MDGA2: variants seen among roughly 807,000 people sequenced by gnomAD.
The protein encoded by MDGA2 is MAM domain containing glycosylphosphatidylinositol anchor 2.
A neutral mutation model predicts 117.8 loss-of-function variants in MDGA2; 40 were observed. The ratio of observed to expected loss-of-function variants is 0.34; its 90% confidence interval spans 0.26 to 0.44. The LOEUF is 0.44. Among genes scored for constraint, MDGA2 ranks in the 20% least tolerant of loss-of-function variants. The pLI, the probability that MDGA2 is intolerant of heterozygous loss-of-function variation, is 1.00. For missense variants in MDGA2, 1,123 were observed against 1,250.6 expected (o/e 0.90, Z 1.54); for synonymous variants, 452 against 439.0 (o/e 1.03, Z -0.37).
intron 1 of MDGA2, among the ~76,000 whole-genome samples, chr14:47,320,219 C>T (rs12434252): frequency 0.33 from 49,554 of 151,970 alleles, 9,060 homozygotes; most frequent in Admixed American, 0.52. Flanking sequence ...AACAAATACA[C>T]TATTAAACAA....
At chr14:47,228,931 T>A (rs1285043931) in intron 2 of MDGA2, among the ~76,000 whole-genome samples, 4 of 152,238 alleles carry the variant, frequency 2.6e-5, no homozygotes, top group Non-Finnish European at 5.9e-5. Flanking sequence ...AGGCACCCTC[T>A]GCCCAATATA....
Position 46,957,751 on chromosome 14 carries a change from G to C in MDGA2, c.1820-108C>G, listed in dbSNP as rs1023755426. On this transcript the variant is annotated intron_variant, in intron 8 of 16. Coordinates refer to ENST00000399232, the MANE Select transcript of MDGA2 (RefSeq NM_001113498.3). Reference sequence around the variant, plus strand: ...CAGTAACACATGCAGCAATAGAGGAGGAGTGTAGGAGGTGAATGAAGAACA... The same window carrying C: ...CAGTAACACATGCAGCAATAGAGGACGAGTGTAGGAGGTGAATGAAGAACA... 1.5e-5 allele frequency: 18 copies of C among 1,208,692 alleles called. No individual in the cohort carries two copies. The African/African-American group carries it at 1.7e-4, about 11-fold the overall frequency. 74.9% of individuals were successfully genotyped at this position (1,208,692 alleles called of 1,614,324 possible). A position where few individuals can be genotyped will look rare whatever the true frequency, so the allele number is the denominator to read the frequency against.
intron 1 of MDGA2, among the ~76,000 whole-genome samples, chr14:47,326,434 C>G (rs1890144518): frequency 6.6e-6 from 1 of 152,072 alleles, no homozygotes; most frequent in African/African-American, 2.4e-5. Flanking sequence ...GAGTAAGAAT[C>G]TGAGCATTCT....
chr14:47,637,988 T>C (rs1464369103), intron 1 of MDGA2, among the ~76,000 whole-genome samples: 1 of 152,162 alleles, frequency 6.6e-6, no homozygotes, highest in Non-Finnish European at 1.5e-5. Flanking sequence ...TCATTCTCAA[T>C]CAAATCCTGC....
intron 3 of MDGA2, among the ~76,000 whole-genome samples, chr14:47,207,614 T>C (rs958493413): frequency 6.6e-6 from 1 of 151,928 alleles, no homozygotes; most frequent in Non-Finnish European, 1.5e-5. Context: ...TTTCACATAT[T>C]CCCTTCTACA....
intron 8 of MDGA2, among the ~76,000 whole-genome samples, chr14:46,978,282 T>C (rs987748849): frequency 6.6e-6 from 1 of 151,968 alleles, no homozygotes; most frequent in Non-Finnish European, 1.5e-5. Flanking sequence ...GAACCATTCA[T>C]ATTTAGAAAA....
chr14:46,861,422 C>T (rs1383285620), intron 14 of MDGA2, among the ~76,000 whole-genome samples: 3 of 151,652 alleles, frequency 2.0e-5, no homozygotes, highest in African/African-American at 4.8e-5. Context: ...TTTCTTTTTA[C>T]ATATGTAATA....
intron 3 of MDGA2, among the ~76,000 whole-genome samples, chr14:47,147,365 A>G (rs914417633): frequency 6.6e-6 from 1 of 152,154 alleles, no homozygotes; most frequent in Non-Finnish European, 1.5e-5. Context: ...AACACATATG[A>G]GAGAGTGAAA....
At chr14:47,658,594 A>T (rs1057120105) in intron 1 of MDGA2, among the ~76,000 whole-genome samples, 1 of 152,154 alleles carries the variant, frequency 6.6e-6, no homozygotes, top group Non-Finnish European at 1.5e-5. Context: ...CTCAAACAGG[A>T]TAAGCAAGCA....
At chr14:47,220,292 G>T (rs1430885628) in intron 2 of MDGA2, among the ~76,000 whole-genome samples, 1 of 152,152 alleles carries the variant, frequency 6.6e-6, no homozygotes, top group Non-Finnish European at 1.5e-5. Flanking sequence ...AAAGAAAATT[G>T]TTCAGGCTTC....
intron 1 of MDGA2, among the ~76,000 whole-genome samples, chr14:47,562,938 T>A (rs972462392): frequency 7.2e-5 from 11 of 152,148 alleles, no homozygotes; most frequent in African/African-American, 2.4e-4. Flanking sequence ...CTTATCGTTG[T>A]TCTCATTAAT....
intron 8 of MDGA2, among the ~76,000 whole-genome samples, chr14:46,966,102 T>A (rs1297940295): frequency 2.1e-5 from 3 of 140,966 alleles, no homozygotes; most frequent in Non-Finnish European, 4.4e-5. Flanking sequence ...AAATAAAGAT[T>A]ATATTTCTTG....
chr14:47,670,599 T>C (rs899146477), intron 1 of MDGA2, among the ~76,000 whole-genome samples: 1 of 152,176 alleles, frequency 6.6e-6, no homozygotes, highest in African/African-American at 2.4e-5. Flanking sequence ...ATCACTTAGC[T>C]CTAGGTACTT....
At chr14:46,957,709 T>C in intron 8 of MDGA2, 66 bp from the exon 9 acceptor site, 1 of 1,567,414 alleles carries the variant, frequency 6.4e-7, no homozygotes, top group East Asian at 2.2e-5. Flanking sequence ...GCTACTCTTA[T>C]TAGAAGAAGC....
chr14:47,651,756 A>G (rs896052680), intron 1 of MDGA2, among the ~76,000 whole-genome samples: 1 of 152,104 alleles, frequency 6.6e-6, no homozygotes. Flanking sequence ...TCTGAGATCT[A>G]TTTTGCAGAA....
chr14:46,932,383 T>A (rs1884615584), intron 9 of MDGA2, among the ~76,000 whole-genome samples: 1 of 152,092 alleles, frequency 6.6e-6, no homozygotes, highest in African/African-American at 2.4e-5. Flanking sequence ...CTTTAGATAC[T>A]TTTTAAATGT....
At chr14:47,039,236 T>C (rs1410648593) in intron 7 of MDGA2, among the ~76,000 whole-genome samples, 1 of 152,204 alleles carries the variant, frequency 6.6e-6, no homozygotes, top group Non-Finnish European at 1.5e-5. Context: ...TATCTTTATA[T>C]TCCAAAAGTC....
intron 1 of MDGA2, among the ~76,000 whole-genome samples, chr14:47,333,514 T>C (rs1890351548): frequency 6.6e-6 from 1 of 151,888 alleles, no homozygotes; most frequent in African/African-American, 2.4e-5. Flanking sequence ...GGCTATGAAG[T>C]CTTGATCACT....
chr14:47,180,131 G>C (rs938638674), intron 3 of MDGA2, among the ~76,000 whole-genome samples: 1 of 151,958 alleles, frequency 6.6e-6, no homozygotes, highest in Non-Finnish European at 1.5e-5. Flanking sequence ...CATCATCCAG[G>C]TATATTGAGC....
Sources: gnomAD v4.1 joint callset for allele counts (sites outside exome capture counted in the v4.1 genomes callset) on GRCh38, gnomAD v4.1.1 for gene constraint, MANE v1.5 for transcripts, NCBI Gene and HGNC (gene_info 2026-07-23, HGNC 2026-07-21) for gene names.